Variants in RAB10 observed in about 807,000 individuals in gnomAD.
The protein encoded by RAB10 is ras-related protein Rab-10.
In RAB10, 5 loss-of-function variants were observed where a neutral mutation model predicts 25.7. The ratio of observed to expected loss-of-function variants is 0.19; its 90% confidence interval spans 0.10 to 0.41. The LOEUF is 0.41. RAB10 is among the 10% of genes least tolerant of loss of function. The pLI is 1.00. For missense variants in RAB10, 103 were observed against 245.8 expected (o/e 0.42, Z 3.89); for synonymous variants, 89 against 86.4 (o/e 1.03, Z -0.16).
intron 1 of RAB10, among the ~76,000 whole-genome samples, chr2:26,083,282 CAAAA>C (rs1234920794): frequency 6.6e-6 from 1 of 151,962 alleles, no homozygotes; most frequent in Non-Finnish European, 1.5e-5. Context: ...ACCTTCTCCA[CAAAA>C]AAAGAGCAAC....
At chr2:26,083,124 A>G (rs1666903411) in intron 1 of RAB10, among the ~76,000 whole-genome samples, 1 of 152,218 alleles carries the variant, frequency 6.6e-6, no homozygotes, top group Admixed American at 6.5e-5. Context: ...CAGAGCATTT[A>G]GTCTAGAGCT....
intron 3 of RAB10, among the ~76,000 whole-genome samples, chr2:26,112,943 A>C (rs773015851): frequency 7.9e-5 from 12 of 152,038 alleles, no homozygotes; most frequent in Non-Finnish European, 1.3e-4. Context: ...TTAGCCGGGC[A>C]TGATGGTGGG....
At chr2:26,118,081 T>C (rs1327189987) in intron 3 of RAB10, among the ~76,000 whole-genome samples, 1 of 152,026 alleles carries the variant, frequency 6.6e-6, no homozygotes, top group Admixed American at 6.6e-5. Flanking sequence ...CAAGTGGTTC[T>C]CCTGCCTCAG....
At chr2:26,102,076 C>T (rs894186386) in intron 2 of RAB10, 2 of 152,500 alleles carry the variant, frequency 1.3e-5, no homozygotes, top group Non-Finnish European at 2.9e-5. Context: ...CTCCTGAAGC[C>T]TCCCAGTCTA....
intron 2 of RAB10, among the ~76,000 whole-genome samples, chr2:26,102,316 T>C (rs147706436): frequency 2.0e-5 from 3 of 152,196 alleles, no homozygotes; most frequent in African/African-American, 7.2e-5. Flanking sequence ...TAGTGTGTAG[T>C]ACTTAATAAT....
intron 1 of RAB10, among the ~76,000 whole-genome samples, chr2:26,060,284 TTTTG>T (rs904917490): frequency 2.8e-4 from 43 of 151,184 alleles, no homozygotes; most frequent in Middle Eastern, 6.8e-3. Flanking sequence ...TTTTTTGTTT[TTTTG>T]TTTGTTTGTT....
chr2:26,104,422 T>G (rs1667422473), intron 2 of RAB10, among the ~76,000 whole-genome samples: 1 of 152,234 alleles, frequency 6.6e-6, no homozygotes, highest in East Asian at 1.9e-4. Flanking sequence ...TTTTTAAGTT[T>G]GGTCATTTGT....
intron 1 of RAB10, among the ~76,000 whole-genome samples, chr2:26,054,205 G>A (rs574674563): frequency 3.5e-4 from 53 of 150,740 alleles, no homozygotes; most frequent in South Asian, 1.1e-3. Context: ...CCACCGCCAC[G>A]CCCACCTAAT....
intron 1 of RAB10, among the ~76,000 whole-genome samples, chr2:26,070,790 T>A (rs1385288334): frequency 6.6e-6 from 1 of 152,242 alleles, no homozygotes; most frequent in Non-Finnish European, 1.5e-5. Flanking sequence ...AGCATCCCAT[T>A]GTATGGCATG....
intron 5 of RAB10, among the ~76,000 whole-genome samples, chr2:26,128,552 T>C (rs1166829099): frequency 1.3e-5 from 2 of 152,362 alleles, no homozygotes; most frequent in Non-Finnish European, 1.5e-5. Flanking sequence ...CTAGCCTTTT[T>C]ACTCTTGGAC....
chr2:26,123,708 G>C (rs1296942144), intron 3 of RAB10, among the ~76,000 whole-genome samples: 1 of 152,192 alleles, frequency 6.6e-6, no homozygotes, highest in African/African-American at 2.4e-5. Flanking sequence ...AGACAATCTG[G>C]CAGAAGGGTT....
intron 1 of RAB10, among the ~76,000 whole-genome samples, chr2:26,037,258 A>G (rs1312391323): frequency 6.6e-6 from 1 of 152,168 alleles, no homozygotes; most frequent in East Asian, 1.9e-4. Flanking sequence ...TTTTGGATCA[A>G]GTCTGCTGGG....
intron 1 of RAB10, among the ~76,000 whole-genome samples, chr2:26,071,858 C>T (rs1000395854): frequency 2.6e-5 from 4 of 152,088 alleles, no homozygotes; most frequent in African/African-American, 9.7e-5. Context: ...CAGAGCAAGA[C>T]TCAGTCTCTT....
chr2:26,053,217 T>C (rs538388777), intron 1 of RAB10, among the ~76,000 whole-genome samples: 1 of 152,354 alleles, frequency 6.6e-6, no homozygotes, highest in East Asian at 1.9e-4. Context: ...GATATTTTGC[T>C]ATTGTTTTTG....
chr2:26,077,551 C>A (rs896112279), intron 1 of RAB10, among the ~76,000 whole-genome samples: 6 of 152,204 alleles, frequency 3.9e-5, no homozygotes, highest in Non-Finnish European at 7.3e-5. Flanking sequence ...TGATACATTA[C>A]TGTGTAATGT....
chr2:26,120,029 A>G (rs1160842435), intron 3 of RAB10, among the ~76,000 whole-genome samples: 1 of 152,222 alleles, frequency 6.6e-6, no homozygotes, highest in Non-Finnish European at 1.5e-5. Context: ...AAATTTATAT[A>G]TAAGGTAATT....
At chr2:26,047,365 A>G (rs1274273004) in intron 1 of RAB10, among the ~76,000 whole-genome samples, 1 of 146,890 alleles carries the variant, frequency 6.8e-6, no homozygotes, top group Admixed American at 6.9e-5. Flanking sequence ...ACTCAGCATA[A>G]TTCCCTGGAG....
chr2:26,101,967 G>C (rs1667350067), intron 2 of RAB10: 1 of 152,236 alleles, frequency 6.6e-6, no homozygotes, highest in Non-Finnish European at 1.5e-5. Context: ...TCATGTCTTT[G>C]ATCAGGTAAC....
At chr2:26,045,553 G>C (rs1665983837) in intron 1 of RAB10, among the ~76,000 whole-genome samples, 1 of 150,640 alleles carries the variant, frequency 6.6e-6, no homozygotes, top group Non-Finnish European at 1.5e-5. Flanking sequence ...AACAGTAGAA[G>C]GTTGCCCAGG....
Sources: allele counts gnomAD v4.1 joint callset (sites outside exome capture counted in the v4.1 genomes callset), GRCh38; gene constraint gnomAD v4.1.1; transcripts MANE v1.5; gene names NCBI Gene and HGNC (gene_info 2026-07-23, HGNC 2026-07-21).